The following MYO1D variants were observed in gnomAD, a reference collection of about 807,000 sequenced individuals.
MYO1D encodes the protein myosin ID, also known as unconventional myosin-Id.
Under a neutral mutation model 122.0 loss-of-function variants are expected in MYO1D, and 83 were observed. The observed-to-expected ratio is 0.68, with a 90% CI of 0.57 to 0.82. The LOEUF (loss-of-function observed/expected upper bound fraction) is 0.82, where lower values mean the gene tolerates loss of function less well. Ranked by LOEUF, MYO1D falls within the 40% of genes least tolerant of loss-of-function variation. The pLI is 0.00. For synonymous variants in MYO1D, 464 were observed against 446.9 expected (o/e 1.04, Z -0.48); for missense variants, 1,157 against 1,269.5 (o/e 0.91, Z 1.35).
At chr17:32,670,790 C>A (rs1466531605) in intron 16 of MYO1D, among the ~76,000 whole-genome samples, 1 of 152,210 alleles carries the variant, frequency 6.6e-6, no homozygotes, top group Non-Finnish European at 1.5e-5. Context: ...CCAGACTCAG[C>A]CACACTGGAG....
chr17:32,634,963 T>C (rs2088077569), intron 20 of MYO1D, among the ~76,000 whole-genome samples: 1 of 152,190 alleles, frequency 6.6e-6, no homozygotes, highest in Admixed American at 6.5e-5. Flanking sequence ...AGATCAGTTA[T>C]ACCCCAAAAT....
chr17:32,552,418 A>T (rs1272945164), intron 21 of MYO1D, among the ~76,000 whole-genome samples: 1 of 144,404 alleles, frequency 6.9e-6, no homozygotes, highest in Non-Finnish European at 1.5e-5. Flanking sequence ...CCATCCATCC[A>T]CCCATCCATC....
chr17:32,831,103 A>T (rs117450534), intron 1 of MYO1D, among the ~76,000 whole-genome samples: 2 of 152,212 alleles, frequency 1.3e-5, no homozygotes, highest in Non-Finnish European at 2.9e-5. Flanking sequence ...GTATAGATTA[A>T]GTTTTCATAA....
At chr17:32,612,568 C>A (rs2087714847) in intron 20 of MYO1D, among the ~76,000 whole-genome samples, 1 of 151,126 alleles carries the variant, frequency 6.6e-6, no homozygotes, top group Admixed American at 6.6e-5. Context: ...TGCCTGTAGT[C>A]CCAGCTACTC....
At chr17:32,532,374 C>G (rs763842474) in intron 21 of MYO1D, among the ~76,000 whole-genome samples, 1 of 152,164 alleles carries the variant, frequency 6.6e-6, no homozygotes, top group Non-Finnish European at 1.5e-5. Flanking sequence ...AGTGTAGTGT[C>G]AACGTCTCAT....
chr17:32,790,465 T>A (rs1045559324), intron 1 of MYO1D, among the ~76,000 whole-genome samples: 12 of 152,214 alleles, frequency 7.9e-5, no homozygotes, highest in Non-Finnish European at 1.5e-4. Flanking sequence ...CCTGTATGTT[T>A]CCTTTGTAAT....
At chr17:32,635,749 T>G (rs902879850) in intron 20 of MYO1D, among the ~76,000 whole-genome samples, 14 of 152,062 alleles carry the variant, frequency 9.2e-5, no homozygotes, top group Admixed American at 2.0e-4. Flanking sequence ...TTACAGTCTG[T>G]CCTTGGAGCA....
At chr17:32,517,081 T>C (rs1567873865) in intron 21 of MYO1D, among the ~76,000 whole-genome samples, 1 of 152,258 alleles carries the variant, frequency 6.6e-6, no homozygotes, top group Non-Finnish European at 1.5e-5. Flanking sequence ...AGGATTCAGC[T>C]ATCCCAATGG....
chr17:32,739,957 G>A (rs2089754576), intron 13 of MYO1D, among the ~76,000 whole-genome samples: 1 of 152,144 alleles, frequency 6.6e-6, no homozygotes, highest in Admixed American at 6.5e-5. Flanking sequence ...CTGTCAAAGT[G>A]GCTACAAAAT....
At chr17:32,520,184 T>C (rs1218020532) in intron 21 of MYO1D, among the ~76,000 whole-genome samples, 2 of 152,162 alleles carry the variant, frequency 1.3e-5, no homozygotes, top group African/African-American at 4.8e-5. Context: ...GAAAGGCTCA[T>C]GAGACTGTAC....
At chr17:32,698,369 TC>T (rs1415204647) in intron 16 of MYO1D, among the ~76,000 whole-genome samples, 3 of 68,810 alleles carry the variant, frequency 4.4e-5, no homozygotes, top group Admixed American at 1.9e-4. Flanking sequence ...CCCCTCCCCC[TC>T]CCCCTTCCCT....
chr17:32,733,637 G>C (rs913104907), intron 14 of MYO1D, among the ~76,000 whole-genome samples: 1 of 152,120 alleles, frequency 6.6e-6, no homozygotes, highest in African/African-American at 2.4e-5. Context: ...ACTTTGGGCA[G>C]GCCCTGGGCT....
chr17:32,653,154 T>G (rs867816150), intron 19 of MYO1D, among the ~76,000 whole-genome samples: 1 of 148,256 alleles, frequency 6.7e-6, no homozygotes, highest in Non-Finnish European at 1.5e-5. Flanking sequence ...AAAAAAAAAA[T>G]AAATAAAAGA....
intron 4 of MYO1D, among the ~76,000 whole-genome samples, chr17:32,775,417 G>A (rs182044993): frequency 2.0e-5 from 3 of 152,134 alleles, no homozygotes; most frequent in Admixed American, 6.5e-5. Context: ...AATACAGTTC[G>A]CTTCATAATT....
In MYO1D at chr17:32,780,757, GA is replaced by G; in HGVS notation, c.122del (p.Phe41SerfsTer9). The G allele has an allele frequency of 6.2e-7, 1 of 1,614,138 alleles. No individual in the cohort carries two copies. Among genetic ancestry groups the G allele is most frequent in the South Asian group, 1.1e-5 (1 of 91,074 alleles). ...TCACAGAAACGACGACTTCTCCAAT[GA>G]ACGTATAGATGCGCCCTTTTTCAAA... ...LRFEKGRIYT[F>X]IGEVVVSVNP... On this transcript the variant is annotated frameshift_variant, in exon 2 of 22. Transcript: ENST00000318217. LOFTEE classifies it high-confidence loss of function.
At chr17:32,565,255 C>A (rs1397335495) in intron 21 of MYO1D, among the ~76,000 whole-genome samples, 1 of 152,206 alleles carries the variant, frequency 6.6e-6, no homozygotes, top group Admixed American at 6.5e-5. Context: ...CCTCCTGCCT[C>A]GGCCTCCCAA....
At chr17:32,721,991 G>C (rs1305094844) in intron 14 of MYO1D, among the ~76,000 whole-genome samples, 1 of 152,212 alleles carries the variant, frequency 6.6e-6, no homozygotes, top group Non-Finnish European at 1.5e-5. Context: ...GACACACACA[G>C]ATGCACTTTG....
Position 32,625,185 on chromosome 17 carries a change from C to A in MYO1D, c.2709+13537G>T, listed in dbSNP as rs7225222. Reference sequence around the variant, plus strand: ...CTCATCTTGATTATTCAGTTTCCTGCGGGCATACAAGTCACTAATCCTCAA... The same window carrying A: ...CTCATCTTGATTATTCAGTTTCCTGAGGGCATACAAGTCACTAATCCTCAA... On this transcript the variant is annotated intron_variant, in intron 20 of 21. Transcript: ENST00000318217. 2.8e-4 allele frequency among the ~76,000 whole-genome samples: 42 copies of A among 152,250 alleles called. 1 individual carries two copies. In the South Asian group the frequency reaches 5.2e-3, roughly 19 times the overall value.
chr17:32,854,466 G>A (rs1006656885), intron 1 of MYO1D, among the ~76,000 whole-genome samples: 2 of 152,248 alleles, frequency 1.3e-5, no homozygotes, highest in African/African-American at 2.4e-5. Context: ...ATCAACTTCA[G>A]TTCTTCTCTG....
Sources: allele counts gnomAD v4.1 joint callset (sites outside exome capture counted in the v4.1 genomes callset), GRCh38; gene constraint gnomAD v4.1.1; transcripts MANE v1.5; gene names NCBI Gene and HGNC (gene_info 2026-07-23, HGNC 2026-07-21).